Variants in RAPGEF5 observed in about 807,000 individuals in gnomAD.
RAPGEF5 encodes M-Ras-regulated GEF.
In RAPGEF5, 65 loss-of-function variants were observed where a neutral mutation model predicts 125.2. The ratio of observed to expected loss-of-function variants is 0.52; its 90% confidence interval spans 0.43 to 0.64. RAPGEF5 has a LOEUF of 0.64. Among genes scored for constraint, RAPGEF5 ranks in the 30% least tolerant of loss-of-function variants. The pLI, the probability that RAPGEF5 is intolerant of heterozygous loss-of-function variation, is 0.00. For missense variants in RAPGEF5, 958 were observed against 1,048.1 expected (o/e 0.91, Z 1.19); for synonymous variants, 391 against 385.9 (o/e 1.01, Z -0.16).
In RAPGEF5 at chr7:22,121,012, A is replaced by C. The variant is rs1176493540; in HGVS notation, c.*1394T>G. 6.6e-6 allele frequency: 1 copy of C among 152,166 alleles called. No homozygotes were observed. Among genetic ancestry groups the C allele is most frequent in the South Asian group, 2.1e-4 (1 of 4,816 alleles). 9.4% of individuals were successfully genotyped at this position (152,166 alleles called of 1,614,324 possible). On this transcript the variant is annotated 3_prime_UTR_variant, in exon 26 of 26. Coordinates refer to ENST00000665637, the MANE Select transcript of RAPGEF5 (RefSeq NM_012294.5). ...TGCACCAAGACTCCTGCATTTGGAA[A>C]ATGAATGGACCAGGCCCTTGCATTT...
intron 24 of RAPGEF5, among the ~76,000 whole-genome samples, chr7:22,130,080 AGTT>A (rs1291913285): frequency 6.6e-6 from 1 of 152,212 alleles, no homozygotes; most frequent in African/African-American, 2.4e-5. Flanking sequence ...AACCAGGGTC[AGTT>A]TCTGCAAGAG....
chr7:22,133,757 C>G (rs1001552890), intron 23 of RAPGEF5, among the ~76,000 whole-genome samples: 1 of 152,188 alleles, frequency 6.6e-6, no homozygotes, highest in African/African-American at 2.4e-5. Flanking sequence ...CTTAGCTCAG[C>G]TGGGTCTTCT....
chr7:22,244,058 T>C (rs142903141), intron 7 of RAPGEF5, among the ~76,000 whole-genome samples: 118 of 152,326 alleles, frequency 7.7e-4, no homozygotes, highest in African/African-American at 2.7e-3. Flanking sequence ...TTTCTCTTTC[T>C]GTGCCTGGCT....
chr7:22,194,373 A>T lies in RAPGEF5; in HGVS notation c.997-340T>A, dbSNP rs189058422. On this transcript the variant is annotated intron_variant, in intron 9 of 25. Coordinates refer to ENST00000665637, the MANE Select transcript of RAPGEF5 (RefSeq NM_012294.5). Reference sequence around the variant, plus strand: ...AAAGTTTCAAAAAGCACAACATACTAATTGCATGTATACTATATTCTCTTT... The same window carrying T: ...AAAGTTTCAAAAAGCACAACATACTTATTGCATGTATACTATATTCTCTTT... 3.4e-3 allele frequency among the ~76,000 whole-genome samples: 522 copies of T among 152,340 alleles called. 5 individuals carry two copies. Among genetic ancestry groups the T allele is most frequent in the South Asian group, 0.023 (112 of 4,826 alleles).
chr7:22,314,325 TAATA>T (rs1195609118), intron 3 of RAPGEF5, among the ~76,000 whole-genome samples: 2 of 152,122 alleles, frequency 1.3e-5, no homozygotes, highest in Non-Finnish European at 1.5e-5. Flanking sequence ...CACAGGTGTG[TAATA>T]AATAAAAGTT....
chr7:22,222,676 T>C (rs1163296678), intron 8 of RAPGEF5, among the ~76,000 whole-genome samples: 1 of 152,188 alleles, frequency 6.6e-6, no homozygotes, highest in African/African-American at 2.4e-5. Flanking sequence ...TTTGGATTCT[T>C]TTTCTGAATA....
intron 1 of RAPGEF5, among the ~76,000 whole-genome samples, chr7:22,335,457 C>T (rs1784007591): frequency 6.6e-6 from 1 of 152,170 alleles, no homozygotes; most frequent in Non-Finnish European, 1.5e-5. Context: ...ACCTCATCTT[C>T]CCACACCTAC....
Position 22,266,951 on chromosome 7 carries a change from A to T in RAPGEF5, c.796+13T>A. The T allele has an allele frequency of 6.2e-7, 1 of 1,601,248 alleles. No individual in the cohort carries two copies. On this transcript the variant is annotated intron_variant, in intron 7 of 25. Transcript: ENST00000665637. ...ATTAGAATCTTCCTCCAGCCCCATA[A>T]AAGATGACTTACCAGACTTCCTTGC...
chr7:22,147,522 A>G (rs1783483438), intron 18 of RAPGEF5, among the ~76,000 whole-genome samples: 2 of 152,376 alleles, frequency 1.3e-5, no homozygotes, highest in Non-Finnish European at 2.9e-5. Context: ...GCCCATAGAA[A>G]GTAAAAAAGT....
chr7:22,312,212 C>CT lies in RAPGEF5; in HGVS notation c.390-2123dup, dbSNP rs796272787. Reference sequence around the variant, plus strand: ...GGGTGGGACCTCAGATTCCACATTCCTTTTTTTTTTTTTGAGACTGAGTTT... The same window carrying CT: ...GGGTGGGACCTCAGATTCCACATTCCTTTTTTTTTTTTTTGAGACTGAGTTT... On this transcript the variant is annotated intron_variant, in intron 3 of 25. Transcript: ENST00000665637. 6.8e-3 allele frequency among the ~76,000 whole-genome samples: 982 copies of CT among 143,894 alleles called. 12 individuals are homozygous for CT. The highest frequency in any genetic ancestry group is 0.02 in the African/African-American group (779 of 39,572). The allele number at this position is 143,894 out of a possible 152,430, so 94.4% of individuals were successfully genotyped here.
chr7:22,252,604 C>T (rs1381933776), intron 7 of RAPGEF5, among the ~76,000 whole-genome samples: 4 of 152,192 alleles, frequency 2.6e-5, no homozygotes, highest in Non-Finnish European at 5.9e-5. Flanking sequence ...AATCTAACTT[C>T]TTATACTCAC....
chr7:22,206,324 A>C (rs1410114470), intron 9 of RAPGEF5, among the ~76,000 whole-genome samples: 1 of 152,248 alleles, frequency 6.6e-6, no homozygotes, highest in Non-Finnish European at 1.5e-5. Flanking sequence ...GTAATAAAAT[A>C]GTAAATTAAC....
intron 18 of RAPGEF5, among the ~76,000 whole-genome samples, chr7:22,149,012 A>G (rs3823662): frequency 0.33 from 50,594 of 152,064 alleles, 8,500 homozygotes; most frequent in Non-Finnish European, 0.36. Flanking sequence ...GAAAGGTCCA[A>G]GTAAGGCATG....
intron 1 of RAPGEF5, among the ~76,000 whole-genome samples, chr7:22,352,587 C>T (rs1784350691): frequency 6.6e-6 from 1 of 152,066 alleles, no homozygotes; most frequent in Non-Finnish European, 1.5e-5. Flanking sequence ...ATAAACCAAG[C>T]ACCAAAAAGG....
At chr7:22,179,114 CA>C (rs1784595849) in intron 11 of RAPGEF5, among the ~76,000 whole-genome samples, 1 of 152,012 alleles carries the variant, frequency 6.6e-6, no homozygotes, top group Non-Finnish European at 1.5e-5. Context: ...TGGCAGAGAC[CA>C]AGTATGTATT....
At chr7:22,273,911 T>A (rs937011473) in intron 6 of RAPGEF5, among the ~76,000 whole-genome samples, 13 of 152,028 alleles carry the variant, frequency 8.6e-5, no homozygotes, top group African/African-American at 3.1e-4. Flanking sequence ...CCATGAGGAG[T>A]AGATAGTATC....
intron 2 of RAPGEF5, among the ~76,000 whole-genome samples, chr7:22,316,039 T>C (rs867152142): frequency 6.6e-6 from 1 of 152,256 alleles, no homozygotes; most frequent in South Asian, 2.1e-4. Context: ...ACTTCATAAT[T>C]CCAACTATCA....
intron 11 of RAPGEF5, among the ~76,000 whole-genome samples, chr7:22,183,806 T>G (rs113896897): frequency 0.011 from 1,665 of 152,314 alleles, 32 homozygotes; most frequent in African/African-American, 0.037. Flanking sequence ...CACTCTAACC[T>G]GTCAGAAAGT....
chr7:22,146,759 C>T (rs937248977), intron 19 of RAPGEF5, 138 bp downstream of exon 19: 83 of 1,108,538 alleles, frequency 7.5e-5, no homozygotes, highest in Non-Finnish European at 1.0e-4. Context: ...GTCAGTCTTT[C>T]AATATATTTC....
Sources: gnomAD v4.1 joint callset for allele counts (sites outside exome capture counted in the v4.1 genomes callset) on GRCh38, gnomAD v4.1.1 for gene constraint, MANE v1.5 for transcripts, NCBI Gene and HGNC (gene_info 2026-07-23, HGNC 2026-07-21) for gene names.